PCDHA3: variants seen among roughly 807,000 people sequenced by gnomAD.
PCDHA3 encodes protocadherin alpha 3, also known as protocadherin alpha-3.
Under a neutral mutation model 62.2 loss-of-function variants are expected in PCDHA3, and 41 were observed. The observed-to-expected ratio is 0.66, with a 90% CI of 0.51 to 0.86. The LOEUF (loss-of-function observed/expected upper bound fraction) is 0.86, where lower values mean the gene tolerates loss of function less well. Ranked by LOEUF, PCDHA3 falls within the 40% of genes least tolerant of loss-of-function variation. PCDHA3 has a pLI of 0.00. For synonymous variants in PCDHA3, 640 were observed against 555.4 expected, an observed-to-expected ratio of 1.15 and a Z score of -2.14; for missense variants, 1,304 against 1,241.2, an observed-to-expected ratio of 1.05 and a Z score of -0.76.
intron 1 of PCDHA3, chr5:140,868,295 T>C (rs569295401): frequency 6.6e-6 from 1 of 152,272 alleles, no homozygotes; most frequent in African/African-American, 2.4e-5. Context: ...AGAATATGAA[T>C]ATATTTGTTT....
rs1436841742 is a variant in PCDHA3, at chr5:140,852,718, G to A, written c.2394+49127G>A. 4.1e-6 allele frequency: 4 copies of A among 981,606 alleles called. 1 individual carries two copies. The highest frequency in any genetic ancestry group is 4.9e-6 in the Non-Finnish European group (4 of 814,578). 60.8% of individuals were successfully genotyped at this position (981,606 alleles called of 1,614,324 possible). ...CTTTCAAGTATCTTTGTCTTTGCAC[G>A]TTTTTCAAGTTTCATGTGCCATTTA... is the stretch of plus-strand genomic sequence containing the variant. On this transcript the variant is annotated intron_variant, in intron 1 of 3. Coordinates refer to ENST00000522353, the MANE Select transcript of PCDHA3 (RefSeq NM_018906.3).
At chr5:140,849,357 G>A in intron 1 of PCDHA3, 1 of 1,458,086 alleles carries the variant, frequency 6.9e-7, no homozygotes, top group Non-Finnish European at 9.4e-7. Flanking sequence ...TGTTTCTCCA[G>A]ATATAAAATC....
At chr5:140,834,516 G>T (rs2150220231) in intron 1 of PCDHA3, 1 of 1,614,110 alleles carries the variant, frequency 6.2e-7, no homozygotes, top group Non-Finnish European at 8.5e-7. Context: ...TGGCAACTTC[G>T]TGGGCCGCAT....
chr5:140,802,604 G>C lies in PCDHA3; in HGVS notation c.1407G>C (p.Pro469=). 2 of 1,614,102 alleles carry C rather than the reference G, an allele frequency of 1.2e-6. No individual in the cohort carries two copies. Among genetic ancestry groups the C allele is most frequent in the Non-Finnish European group, 1.7e-6 (2 of 1,179,982 alleles). The part of the protein sequence containing the change: ...EYTVFVKENN[P]PGCHIFTVSA... ...CGGTGTTCGTGAAGGAGAACAACCC[G>C]CCGGGCTGCCACATCTTCACGGTGT... Residue 469 remains proline, a synonymous_variant, in exon 1 of 4, where the codon CCG becomes CCC. Coordinates refer to ENST00000522353, the MANE Select transcript of PCDHA3 (RefSeq NM_018906.3).
intron 1 of PCDHA3, chr5:140,966,696 G>A (rs2096039255): frequency 7.4e-7 from 1 of 1,358,662 alleles, no homozygotes. Flanking sequence ...GGCGGGGCCC[G>A]GGCGTGGGGC....
chr5:140,968,670 T>C lies in PCDHA3; in HGVS notation c.2395-10279T>C, dbSNP rs782754896. 23 of 1,614,180 alleles carry C rather than the reference T, an allele frequency of 1.4e-5. No homozygotes were observed. Among genetic ancestry groups the C allele is most frequent in the Non-Finnish European group, 1.8e-5 (21 of 1,180,034 alleles). On this transcript the variant is annotated intron_variant, in intron 1 of 3. Coordinates refer to ENST00000522353, the MANE Select transcript of PCDHA3 (RefSeq NM_018906.3). ...ACTTCTGACCTGGACCTCTTTAAGG[T>C]AGAGCTGCACACAGGAGAAATTAGG...
chr5:140,871,504 C>G (rs782640295), intron 1 of PCDHA3: 2 of 1,581,824 alleles, frequency 1.3e-6, no homozygotes, highest in African/African-American at 1.3e-5. Context: ...GGTGAGTTTT[C>G]TACAGATTCC....
chr5:141,000,393 C>A (rs60881126), intron 3 of PCDHA3, among the ~76,000 whole-genome samples: 1,562 of 52,558 alleles, frequency 0.03, 14 homozygotes, highest in East Asian at 0.037. Context: ...CTCTCTCTCT[C>A]TCTATATATA....
intron 1 of PCDHA3, among the ~76,000 whole-genome samples, chr5:140,831,411 G>A (rs1771518698): frequency 6.6e-6 from 1 of 151,592 alleles, no homozygotes; most frequent in South Asian, 2.1e-4. Context: ...CCATGCTGGA[G>A]TACAGTGGTG....
At chr5:140,850,442 G>A in intron 1 of PCDHA3, 1 of 1,598,036 alleles carries the variant, frequency 6.3e-7, no homozygotes, top group Non-Finnish European at 8.6e-7. Flanking sequence ...GCCTACTGGT[G>A]CTGGTGAAAG....
chr5:140,877,713 T>C (rs2057302382), intron 1 of PCDHA3: 1 of 1,613,318 alleles, frequency 6.2e-7, no homozygotes, highest in African/African-American at 1.3e-5. Flanking sequence ...CCGTGGGGAG[T>C]TGGTCTTACT....
At chr5:140,850,587 G>A in intron 1 of PCDHA3, 1 of 1,598,490 alleles carries the variant, frequency 6.3e-7, no homozygotes, top group South Asian at 1.1e-5. Flanking sequence ...GGATGTCAAC[G>A]TGTACCTGAT....
At chr5:140,834,409 CA>C (rs1179533685) in intron 1 of PCDHA3, 2 of 1,610,410 alleles carry the variant, frequency 1.2e-6, no homozygotes, top group Non-Finnish European at 1.7e-6. Context: ...GGATACGACC[CA>C]GGGGGCCGAC....
intron 3 of PCDHA3, among the ~76,000 whole-genome samples, chr5:140,992,504 C>T (rs2097516189): frequency 6.6e-6 from 1 of 152,174 alleles, no homozygotes; most frequent in African/African-American, 2.4e-5. Context: ...GGATTCAATC[C>T]TGGGGCATGG....
At chr5:140,843,222 C>G in intron 1 of PCDHA3, 1 of 1,596,168 alleles carries the variant, frequency 6.3e-7, no homozygotes, top group Non-Finnish European at 8.6e-7. Flanking sequence ...ATCAGCACCA[C>G]TCGTGTCCTG....
chr5:140,827,890 T>G, intron 1 of PCDHA3: 1 of 710,840 alleles, frequency 1.4e-6, no homozygotes, highest in Non-Finnish European at 2.3e-6. Context: ...ATTGATTTCT[T>G]ACCTTTTGGA....
chr5:140,949,924 AT>A (rs144693243), intron 1 of PCDHA3, among the ~76,000 whole-genome samples: 8,382 of 151,404 alleles, frequency 0.055, 277 homozygotes, highest in Non-Finnish European at 0.077. Context: ...CTATTTTTAG[AT>A]TTTTTTTAAT....
chr5:140,995,998 C>T (rs1197239441), intron 3 of PCDHA3, among the ~76,000 whole-genome samples: 1 of 152,192 alleles, frequency 6.6e-6, no homozygotes, highest in Non-Finnish European at 1.5e-5. Context: ...TCAAAAATGT[C>T]GTCAGAACTA....
chr5:140,848,211 A>C, intron 1 of PCDHA3: 1 of 353,668 alleles, frequency 2.8e-6, no homozygotes, highest in South Asian at 5.2e-5. Context: ...TCATTACTTA[A>C]GAAAAAATTA....
Sources: gnomAD v4.1 joint callset for allele counts (sites outside exome capture counted in the v4.1 genomes callset) on GRCh38, gnomAD v4.1.1 for gene constraint, MANE v1.5 for transcripts, NCBI Gene and HGNC (gene_info 2026-07-23, HGNC 2026-07-21) for gene names.